Variants in KLF13 observed in about 807,000 individuals in gnomAD.
The protein encoded by KLF13 is Krueppel-like factor 13.
In KLF13, 8 loss-of-function variants were observed where a neutral mutation model predicts 16.7. That is an observed-to-expected ratio of 0.48 (90% confidence interval 0.28 to 0.87). The LOEUF is 0.87. KLF13 is among the 40% of genes least tolerant of loss of function. The pLI, the probability that KLF13 is intolerant of heterozygous loss-of-function variation, is 0.10. For missense variants in KLF13, 447 were observed against 452.2 expected (o/e 0.99, Z 0.10); for synonymous variants, 245 against 208.4 (o/e 1.18, Z -1.51).
intron 1 of KLF13, among the ~76,000 whole-genome samples, chr15:31,341,969 T>A (rs1595457817): frequency 6.6e-6 from 1 of 152,194 alleles, no homozygotes; most frequent in Non-Finnish European, 1.5e-5. Context: ...TCAGGCATGC[T>A]CAGACTAGGG....
At chr15:31,427,766 A>G (rs1219816851) in intron 1 of KLF13, among the ~76,000 whole-genome samples, 2 of 152,206 alleles carry the variant, frequency 1.3e-5, no homozygotes, top group Non-Finnish European at 2.9e-5. Context: ...GAAACTTACA[A>G]TCATGGTGGA....
downstream of KLF13, among the ~76,000 whole-genome samples, chr15:31,380,916 G>T (rs2140975332): frequency 6.6e-6 from 1 of 152,326 alleles, no homozygotes; most frequent in Middle Eastern, 3.4e-3. Context: ...GCTTATGCCT[G>T]TAATCCCAGC....
chr15:31,386,517 AAAAG>A (rs1267423811), intron 1 of KLF13, among the ~76,000 whole-genome samples: 5 of 152,238 alleles, frequency 3.3e-5, no homozygotes, highest in African/African-American at 9.6e-5. Context: ...AAGAAAAGAA[AAAAG>A]AAAGAAGGCA....
At chr15:31,384,268 G>A (rs553107834) in intron 1 of KLF13, among the ~76,000 whole-genome samples, 4 of 152,060 alleles carry the variant, frequency 2.6e-5, no homozygotes, top group East Asian at 1.9e-4. Context: ...GTGAAACCTC[G>A]TCTCTACTAA....
rs545502067 is a variant in KLF13 at position 31,372,560 on chromosome 15, C to T, written c.*261C>T. ...GAACCCCCTTTCTCAGGGATGGACA[C>T]GTTTCACGAGGTCAGTGAGGACACC... On this transcript the variant is annotated 3_prime_UTR_variant, in exon 2 of 2. Coordinates refer to ENST00000307145, the MANE Select transcript of KLF13 (RefSeq NM_015995.4). 9 of 490,766 alleles carry T rather than the reference C, an allele frequency of 1.8e-5. No individual in the cohort carries two copies. Among genetic ancestry groups the T allele is most frequent in the South Asian group, 1.4e-4 (4 of 28,764 alleles). The allele number at this position is 490,766 out of a possible 1,614,324, so 30.4% of individuals were successfully genotyped here.
chr15:31,327,915 C>T (rs2038747693), intron 1 of KLF13, 126 bp downstream of exon 1: 1 of 1,075,218 alleles, frequency 9.3e-7, no homozygotes, highest in African/African-American at 1.7e-5. Context: ...CCCGGGGCCT[C>T]GCCCCTTCCC....
At chr15:31,328,928 A>G (rs575870343) in intron 1 of KLF13, among the ~76,000 whole-genome samples, 1 of 152,266 alleles carries the variant, frequency 6.6e-6, no homozygotes, top group East Asian at 1.9e-4. Flanking sequence ...CTTGTGACCA[A>G]GGGTGGTGGT....
chr15:31,355,184 CAGA>C, intron 1 of KLF13, among the ~76,000 whole-genome samples: 4 of 152,192 alleles, frequency 2.6e-5, no homozygotes, highest in African/African-American at 9.7e-5. Context: ...TAAGGTAACA[CAGA>C]TAGGTGAGGA....
At chr15:31,390,448 T>G (rs957768543), upstream of KLF13, among the ~76,000 whole-genome samples, 2 of 152,242 alleles carry the variant, frequency 1.3e-5, no homozygotes, top group African/African-American at 4.8e-5. Flanking sequence ...TACTTGCCAA[T>G]CATCTTCTTA....
chr15:31,428,052 G>T (rs982486715), intron 1 of KLF13, among the ~76,000 whole-genome samples: 16 of 152,260 alleles, frequency 1.1e-4, no homozygotes, highest in African/African-American at 3.9e-4. Flanking sequence ...AAGACATGTT[G>T]TCTTATACTA....
intron 1 of KLF13, among the ~76,000 whole-genome samples, chr15:31,355,184 CAGAT>C (rs2039281542): frequency 6.6e-6 from 1 of 152,192 alleles, no homozygotes; most frequent in Admixed American, 6.5e-5. Flanking sequence ...TAAGGTAACA[CAGAT>C]AGGTGAGGAA....
At position 31,327,317 on chromosome 15, in the gene KLF13, C is replaced by G; in HGVS notation, c.105C>G (p.Pro35=). The G allele has an allele frequency of 7.0e-6, 9 of 1,286,854 alleles. No homozygotes were observed. The South Asian group carries it at 2.0e-4, about 29-fold the overall frequency. The allele number at this position is 1,286,854 out of a possible 1,614,324, so 79.7% of individuals were successfully genotyped here. A position where few individuals can be genotyped will look rare whatever the true frequency, so the allele number is the denominator to read the frequency against. ...HGPREGPESR[P]EGAAVAATPT... ...CGCGGGAGGGGCCGGAGTCCCGGCC[C>G]GAGGGCGCGGCCGTGGCCGCCACCC... The change falls in exon 1 of 2, where the codon CCC becomes CCG. Residue 35 remains proline (P), a synonymous_variant. Coordinates refer to ENST00000307145, the MANE Select transcript of KLF13 (RefSeq NM_015995.4).
chr15:31,359,148 C>T (rs1221574763), intron 1 of KLF13, among the ~76,000 whole-genome samples: 1 of 152,204 alleles, frequency 6.6e-6, no homozygotes, highest in Non-Finnish European at 1.5e-5. Flanking sequence ...TGGCAAGGGG[C>T]CGATATACGT....
At chr15:31,355,265 G>T (rs769456788) in intron 1 of KLF13, among the ~76,000 whole-genome samples, 2 of 152,210 alleles carry the variant, frequency 1.3e-5, no homozygotes, top group African/African-American at 2.4e-5. Context: ...GAAGGGCAGG[G>T]TGTCATCTCC....
intron 1 of KLF13, among the ~76,000 whole-genome samples, chr15:31,422,440 T>C (rs894492117): frequency 1.3e-5 from 2 of 152,068 alleles, no homozygotes; most frequent in East Asian, 3.9e-4. Context: ...TAGATGCTTA[T>C]AAAACCATCA....
chr15:31,394,252 G>A (rs2039920449), intron 2 of KLF13, among the ~76,000 whole-genome samples: 1 of 152,036 alleles, frequency 6.6e-6, no homozygotes, highest in African/African-American at 2.4e-5. Context: ...TGAGGCAGGC[G>A]GATCACGAGG....
In KLF13 at chr15:31,434,826, A is replaced by G. The variant is rs1048733066; in HGVS notation, n.118-544A>G. Among the ~76,000 whole-genome samples the G allele has an allele frequency of 2.0e-4, 31 of 152,146 alleles. 1 individual carries two copies. Among genetic ancestry groups the G allele is most frequent in the Admixed American group, 1.8e-3 (27 of 15,280 alleles). ...TGCCGGCGCGCAGCAGCTTTTGCTC[A>G]TCCTGCCCTGGTTCCAACCCCAAGG... On this transcript the variant is annotated intron_variant and non_coding_transcript_variant, in intron 1 of 1. Transcript: ENST00000558225.
intron 1 of KLF13, among the ~76,000 whole-genome samples, chr15:31,416,701 C>G (rs930458967): frequency 6.6e-6 from 1 of 151,896 alleles, no homozygotes; most frequent in Non-Finnish European, 1.5e-5. Flanking sequence ...AAAAATGGAC[C>G]AAAATACTCT....
At chr15:31,359,263 G>T (rs1446937187) in intron 1 of KLF13, among the ~76,000 whole-genome samples, 1 of 152,218 alleles carries the variant, frequency 6.6e-6, no homozygotes, top group Non-Finnish European at 1.5e-5. Flanking sequence ...CCTTCTGTTG[G>T]CAGAAACCAT....
Sources: gnomAD v4.1 joint callset for allele counts (sites outside exome capture counted in the v4.1 genomes callset) on GRCh38, gnomAD v4.1.1 for gene constraint, MANE v1.5 for transcripts, NCBI Gene and HGNC (gene_info 2026-07-23, HGNC 2026-07-21) for gene names.